The following HHIP variants were observed in gnomAD, a reference collection of about 807,000 sequenced individuals.
HHIP encodes hedgehog-interacting protein.
HHIP carries 12 observed loss-of-function variants against 74.0 expected under a neutral mutation model. The observed-to-expected ratio is 0.16, with a 90% CI of 0.10 to 0.26. HHIP has a LOEUF of 0.26. Ranked by LOEUF, HHIP falls within the 10% of genes least tolerant of loss-of-function variation. The pLI is 1.00. For synonymous variants in HHIP, 309 were observed against 311.6 expected, an observed-to-expected ratio of 0.99 and a Z score of 0.09; for missense variants, 788 against 845.0, an observed-to-expected ratio of 0.93 and a Z score of 0.84.
chr4:144,691,263 A>G (rs1206755861), intron 4 of HHIP, among the ~76,000 whole-genome samples: 2 of 152,230 alleles, frequency 1.3e-5, no homozygotes, highest in African/African-American at 4.8e-5. Flanking sequence ...ATATGGCCTT[A>G]TATTTTGCTT....
chr4:144,675,373 T>C (rs1164549955), intron 4 of HHIP, among the ~76,000 whole-genome samples: 2 of 152,142 alleles, frequency 1.3e-5, no homozygotes, highest in Admixed American at 1.3e-4. Context: ...CTAACTTTGT[T>C]GTCTTCATTA....
chr4:144,677,568 A>G (rs1332404201), intron 4 of HHIP, among the ~76,000 whole-genome samples: 1 of 152,202 alleles, frequency 6.6e-6, no homozygotes, highest in Non-Finnish European at 1.5e-5. Flanking sequence ...GCACTCAGCC[A>G]CAAGTGTGGA....
Position 144,706,686 on chromosome 4 carries a change from T to C in HHIP, c.983+4T>C, listed in dbSNP as rs199735641. 4 of 1,586,662 alleles carry C rather than the reference T, an allele frequency of 2.5e-6. No homozygotes were observed. Among genetic ancestry groups the C allele is most frequent in the Non-Finnish European group, 3.4e-6 (4 of 1,172,382 alleles). On this transcript the variant is annotated splice_donor_region_variant and intron_variant, in intron 5 of 12. Coordinates refer to ENST00000296575, the MANE Select transcript of HHIP (RefSeq NM_022475.3). ...TTGTGGAATACACAGTATCCAGGTA[T>C]CACTAAAAGGCATCGAAGCATAGAA...
chr4:144,708,273 C>G lies in HHIP; in HGVS notation c.1263C>G (p.Pro421=). ...SNPHFNSTNQ[P]PEVFAHGLHD... is the part of the protein sequence containing the mutation. ...CACACTTCAACAGCACCAACCAGCC[C>G]CCCGAAGTGTTTGCTCATGGGCTCC... Residue 421 remains proline, a synonymous_variant, in exon 7 of 13, where the codon CCC becomes CCG. Transcript: ENST00000296575. The G allele has an allele frequency of 6.2e-7, 1 of 1,614,132 alleles. No individual in the cohort carries two copies. The highest frequency in any genetic ancestry group is 8.5e-7 in the Non-Finnish European group (1 of 1,180,014).
chr4:144,662,701 G>C (rs561052559), intron 4 of HHIP, among the ~76,000 whole-genome samples: 1 of 151,140 alleles, frequency 6.6e-6, no homozygotes, highest in Non-Finnish European at 1.5e-5. Flanking sequence ...GTGTGTGGCT[G>C]TGTGTGTGCA....
chr4:144,696,405 A>C (rs933329500), intron 4 of HHIP, among the ~76,000 whole-genome samples: 8 of 151,914 alleles, frequency 5.3e-5, no homozygotes, highest in African/African-American at 1.9e-4. Context: ...TAAATCATTT[A>C]ATTTAAAGTA....
At chr4:144,680,412 A>G (rs1729301957) in intron 4 of HHIP, among the ~76,000 whole-genome samples, 1 of 152,192 alleles carries the variant, frequency 6.6e-6, no homozygotes, top group South Asian at 2.1e-4. Flanking sequence ...TTTCTTTAAG[A>G]CAAGCTTTTT....
intron 12 of HHIP, among the ~76,000 whole-genome samples, chr4:144,735,460 A>G (rs954619328): frequency 1.2e-4 from 19 of 152,160 alleles, no homozygotes; most frequent in Admixed American, 5.9e-4. Context: ...CTGCTCAGAG[A>G]GAGCAAAGGA....
At chr4:144,714,183 G>A (rs1442282668) in intron 8 of HHIP, 42 bp from the exon 9 acceptor site, 9 of 1,575,358 alleles carry the variant, frequency 5.7e-6, no homozygotes, top group Non-Finnish European at 7.0e-6. Flanking sequence ...TTTACTTTAT[G>A]AAAATATGTT....
intron 11 of HHIP, among the ~76,000 whole-genome samples, chr4:144,734,366 T>C (rs1238267299): frequency 2.6e-5 from 4 of 152,112 alleles, no homozygotes. Flanking sequence ...CTAAACATTT[T>C]TGTAGATATA....
intron 12 of HHIP, 103 bp from the exon 13 acceptor site, chr4:144,737,661 C>T: frequency 1.0e-6 from 1 of 993,924 alleles, no homozygotes; most frequent in African/African-American, 1.7e-5. Context: ...CTCCTTTTTT[C>T]CCTCGCTTCC....
At chr4:144,679,259 T>C (rs758986490) in intron 4 of HHIP, among the ~76,000 whole-genome samples, 18 of 152,230 alleles carry the variant, frequency 1.2e-4, no homozygotes, top group Non-Finnish European at 2.4e-4. Context: ...TTAAGTTCTT[T>C]GTAGATTCTG....
At chr4:144,672,940 G>C (rs879684831) in intron 4 of HHIP, among the ~76,000 whole-genome samples, 3 of 152,042 alleles carry the variant, frequency 2.0e-5, no homozygotes, top group Non-Finnish European at 4.4e-5. Context: ...CAGGTGATTC[G>C]CCCGCCTCAG....
chr4:144,678,963 C>T (rs944059114), intron 4 of HHIP, among the ~76,000 whole-genome samples: 1 of 152,186 alleles, frequency 6.6e-6, no homozygotes, highest in Admixed American at 6.5e-5. Flanking sequence ...ATACTGTCTT[C>T]CACAATGGTT....
intron 11 of HHIP, among the ~76,000 whole-genome samples, chr4:144,726,234 T>C (rs1730803032): frequency 6.6e-6 from 1 of 152,158 alleles, no homozygotes; most frequent in Non-Finnish European, 1.5e-5. Context: ...ACCTAATTAT[T>C]TAGTTTTTAT....
At chr4:144,667,423 T>C (rs1408095912) in intron 4 of HHIP, among the ~76,000 whole-genome samples, 1 of 152,172 alleles carries the variant, frequency 6.6e-6, no homozygotes, top group Admixed American at 6.5e-5. Context: ...GTGTTAGCAT[T>C]CGCACCAAAA....
intron 12 of HHIP, among the ~76,000 whole-genome samples, chr4:144,736,313 T>C (rs1578734547): frequency 6.6e-6 from 1 of 152,136 alleles, no homozygotes; most frequent in East Asian, 1.9e-4. Context: ...TTTTTGTATT[T>C]ATAGTGGAGA....
At chr4:144,727,665 T>G (rs1025985474) in intron 11 of HHIP, among the ~76,000 whole-genome samples, 3 of 152,224 alleles carry the variant, frequency 2.0e-5, no homozygotes, top group Non-Finnish European at 2.9e-5. Context: ...TAATCTTTTC[T>G]CCTAGGTTTT....
Position 144,659,754 on chromosome 4 carries a change from T to A in HHIP, c.747T>A (p.Gly249=), listed in dbSNP as rs1258824097. The stretch of plus-strand genomic sequence containing the variant: ...GTCTCTTCATTCTGGAAAAAGAAGG[T>A]TATGTGAAGATACTTACCCCTGAAG... ...SQRLFILEKE[G]YVKILTPEGE... Residue 249 remains glycine (G), a synonymous_variant, in exon 4 of 13, where the codon GGT becomes GGA. Transcript: ENST00000296575. The A allele has an allele frequency of 1.2e-6, 2 of 1,612,240 alleles. No homozygotes were observed. Among genetic ancestry groups the A allele is most frequent in the African/African-American group, 2.7e-5 (2 of 74,800 alleles).
Sources: gnomAD v4.1 joint callset for allele counts (sites outside exome capture counted in the v4.1 genomes callset) on GRCh38, gnomAD v4.1.1 for gene constraint, MANE v1.5 for transcripts, NCBI Gene and HGNC (gene_info 2026-07-23, HGNC 2026-07-21) for gene names.